Variants in GRIP2 observed in about 807,000 individuals in gnomAD.
GRIP2 encodes glutamate receptor interacting protein 2, also known as glutamate receptor-interacting protein 2.
Under a neutral mutation model 108.3 loss-of-function variants are expected in GRIP2, and 58 were observed. The ratio of observed to expected loss-of-function variants is 0.54; its 90% CI spans 0.43 to 0.67. GRIP2 has a LOEUF of 0.67. Among genes scored for constraint, GRIP2 ranks in the 30% least tolerant of loss-of-function variants. GRIP2 has a pLI of 0.00. For synonymous variants in GRIP2, 586 were observed against 598.2 expected, an observed-to-expected ratio of 0.98 and a Z score of 0.30; for missense variants, 1,278 against 1,430.6, an observed-to-expected ratio of 0.89 and a Z score of 1.72.
the GRIP2 span, among the ~76,000 whole-genome samples, chr3:14,581,795 T>C: frequency 0.72 from 108,841 of 152,128 alleles, 40,349 homozygotes; most frequent in South Asian, 0.87. Context: ...CAAGTTGGGG[T>C]TGGGTTTCTA....
the GRIP2 span, chr3:14,572,966 G>A: frequency 1.4e-6 from 2 of 1,476,478 alleles, no homozygotes; most frequent in Non-Finnish European, 1.9e-6. Flanking sequence ...GGACCACCAG[G>A]CCAGCCAGGA....
At chr3:14,601,259 A>C in the GRIP2 span, among the ~76,000 whole-genome samples, 2 of 152,002 alleles carry the variant, frequency 1.3e-5, no homozygotes, top group East Asian at 3.9e-4. Context: ...CCACCCCTTT[A>C]AAGAGGCAGA....
upstream of GRIP2, among the ~76,000 whole-genome samples, chr3:14,545,226 CT>C (rs1695039722): frequency 6.6e-6 from 1 of 152,240 alleles, no homozygotes; most frequent in African/African-American, 2.4e-5. Flanking sequence ...CACACATTTT[CT>C]CATTTCATCC....
chr3:14,526,895 G>A (rs1041698806), intron 1 of GRIP2, among the ~76,000 whole-genome samples: 1 of 152,202 alleles, frequency 6.6e-6, no homozygotes, highest in Admixed American at 6.5e-5. Flanking sequence ...TGTCAGAAAT[G>A]TAAATTATTG....
intron 9 of GRIP2, among the ~76,000 whole-genome samples, chr3:14,519,749 C>T (rs1694353179): frequency 1.3e-5 from 2 of 152,218 alleles, no homozygotes; most frequent in Non-Finnish European, 2.9e-5. Flanking sequence ...CCAGCTGCCT[C>T]CTCTGGATCT....
chr3:14,503,879 G>A, intron 20 of GRIP2: 1 of 583,004 alleles, frequency 1.7e-6, no homozygotes, highest in South Asian at 2.0e-5. Flanking sequence ...ACGCAGTTAG[G>A]GGCGACCAGG....
At chr3:14,523,146 C>A in intron 5 of GRIP2, 71 bp from the exon 6 acceptor site, 4 of 1,132,098 alleles carry the variant, frequency 3.5e-6, no homozygotes, top group Non-Finnish European at 5.1e-6. Flanking sequence ...CCACACAGCC[C>A]CTGAGCAGGC....
chr3:14,489,369 G>A lies in GRIP2; in HGVS notation c.*4296C>T, dbSNP rs1311928255. The A allele has an allele frequency of 3.3e-5, 5 of 152,448 alleles. No individual in the cohort carries two copies. The East Asian group carries it at 9.6e-4, about 29-fold the overall frequency. The allele number at this position is 152,448 out of a possible 1,614,324, so 9.4% of individuals were successfully genotyped here. On this transcript the variant is annotated 3_prime_UTR_variant, in exon 24 of 24. Coordinates refer to ENST00000621039, the MANE Select transcript of GRIP2 (RefSeq NM_001080423.4). ...ATCCAACATGTGTGGGTTGTGTTCT[G>A]GTGAGGTATTTCCCCCTCAACGTTT... is the stretch of plus-strand genomic sequence containing the variant.
chr3:14,520,967 A>G, intron 7 of GRIP2: 2 of 197,658 alleles, frequency 1.0e-5, no homozygotes, highest in South Asian at 9.8e-5. Flanking sequence ...CCATGTCTAA[A>G]TCTCAGCAGA....
At position 14,505,762 on chromosome 3, in the gene GRIP2, C is replaced by A; in HGVS notation, c.2426G>T (p.Arg809Leu). 1 of 1,565,956 alleles carries A rather than the reference C, an allele frequency of 6.4e-7. No individual in the cohort carries two copies. Among genetic ancestry groups the A allele is most frequent in the East Asian group, 2.3e-5 (1 of 43,114 alleles). Residue 809 changes from arginine to leucine, a missense_variant, in exon 20 of 24, where the codon CGG becomes CTG. By Grantham distance (102) the Arg-to-Leu change is moderately radical. Transcript: ENST00000621039. The surrounding 1 kb of genome is among the most constrained non-coding windows in gnomAD (Gnocchi z 4.2). ...PGSYTPQAAA[R>L]GTTPQERRPG... is the part of the protein sequence containing the mutation. ...CCTCCGCTCCTGGGGGGTCGTGCCC[C>A]GGGCTGCTGCCTGTGGTGTATAGGA... is the stretch of plus-strand genomic sequence containing the variant.
the GRIP2 span, among the ~76,000 whole-genome samples, chr3:14,562,096 G>C: frequency 6.6e-6 from 1 of 152,208 alleles, no homozygotes; most frequent in Admixed American, 6.5e-5. Context: ...AATAAACAGA[G>C]CAAGTGAGGA....
the GRIP2 span, among the ~76,000 whole-genome samples, chr3:14,594,936 A>G: frequency 6.6e-6 from 1 of 152,168 alleles, no homozygotes; most frequent in Admixed American, 6.5e-5. Flanking sequence ...TCACCCTGTC[A>G]CCCAGGCCAA....
chr3:14,511,147 C>G lies in GRIP2; in HGVS notation c.1933+18G>C, dbSNP rs1312077429. On this transcript the variant is annotated intron_variant, in intron 16 of 23. Coordinates refer to ENST00000621039, the MANE Select transcript of GRIP2 (RefSeq NM_001080423.4). This position sits in a 1 kb window ranked among gnomAD's most constrained non-coding sequence, Gnocchi z 4.1. ...AGGGTGGGCCTCTGGAGGTAGGAGG[C>G]CAGCATGAGGGCCATACCAGAGTTG... is the stretch of plus-strand genomic sequence containing the variant. The G allele has an allele frequency of 6.2e-7, 1 of 1,612,868 alleles. No homozygotes were observed. Among genetic ancestry groups the G allele is most frequent in the Non-Finnish European group, 8.5e-7 (1 of 1,179,384 alleles).
At chr3:14,500,238 A>G (rs1693729782) in intron 21 of GRIP2, among the ~76,000 whole-genome samples, 1 of 152,178 alleles carries the variant, frequency 6.6e-6, no homozygotes, top group Non-Finnish European at 1.5e-5. Context: ...AATATGAAGG[A>G]AAAGTTAAGA....
At chr3:14,590,390 T>C in the GRIP2 span, among the ~76,000 whole-genome samples, 2 of 152,258 alleles carry the variant, frequency 1.3e-5, no homozygotes, top group East Asian at 1.9e-4. Flanking sequence ...TTGAACCTTC[T>C]GAATGATTTC....
At position 14,503,556 on chromosome 3, in the gene GRIP2, G is replaced by T; in HGVS notation, c.2679+10C>A. On this transcript the variant is annotated intron_variant, in intron 21 of 23. Coordinates refer to ENST00000621039, the MANE Select transcript of GRIP2 (RefSeq NM_001080423.4). ...TGCCCCATGCAGGCCTGCAGGGCAG[G>T]CAGCCATACCTCCAGTTCCCTCAGC... The T allele has an allele frequency of 6.3e-7, 1 of 1,599,220 alleles. No individual in the cohort carries two copies. Among genetic ancestry groups the T allele is most frequent in the Non-Finnish European group, 8.5e-7 (1 of 1,171,676 alleles).
Position 14,511,281 on chromosome 3 carries a change from A to C in GRIP2, c.1817T>G (p.Leu606Arg). ...CAGGCGGATATTGTCAATGGCCAGT[A>C]GCTTGTCGCCTGGCTCCAGGGTGCC... is the stretch of plus-strand genomic sequence containing the variant. The part of the protein sequence containing the change: ...RTGTLEPGDK[L>R]LAIDNIRLDN... Residue 606 changes from leucine (L) to arginine (R), a missense_variant, in exon 16 of 24, where the codon CTA becomes CGA. Physicochemically the swap from Leu to Arg is moderately radical, Grantham distance 102. Transcript: ENST00000621039. The surrounding 1 kb of genome is among the most constrained non-coding windows in gnomAD (Gnocchi z 4.1). 6.2e-7 allele frequency: 1 copy of C among 1,613,998 alleles called. No individual in the cohort carries two copies. Among genetic ancestry groups the C allele is most frequent in the Non-Finnish European group, 8.5e-7 (1 of 1,179,894 alleles).
chr3:14,531,962 G>A (rs1302341869), intron 1 of GRIP2, among the ~76,000 whole-genome samples: 1 of 151,940 alleles, frequency 6.6e-6, no homozygotes, highest in Non-Finnish European at 1.5e-5. Context: ...CTCAGGCCTC[G>A]TCTGAGCCTG....
chr3:14,496,650 C>G, intron 21 of GRIP2, 90 bp from the exon 22 acceptor site: 1 of 1,487,180 alleles, frequency 6.7e-7, no homozygotes, highest in Non-Finnish European at 9.0e-7. Flanking sequence ...GTGCCAGCCA[C>G]AAAAGGGACA....
Sources: gnomAD v4.1 joint callset for allele counts (sites outside exome capture counted in the v4.1 genomes callset) on GRCh38, gnomAD v4.1.1 for gene constraint, Gnocchi (gnomAD v3.1) non-coding constraint, MANE v1.5 for transcripts, NCBI Gene and HGNC (gene_info 2026-07-23, HGNC 2026-07-21) for gene names.